Variants in ZCWPW1 observed in about 807,000 individuals in gnomAD.
The protein encoded by ZCWPW1 is zinc finger CW-type and PWWP domain containing 1, also known as zinc finger CW-type PWWP domain protein 1.
ZCWPW1 carries 56 observed loss-of-function variants against 81.3 expected under a neutral mutation model. That is an observed-to-expected ratio of 0.69 (90% CI 0.56 to 0.86). ZCWPW1 has a LOEUF of 0.86. Ranked by LOEUF, ZCWPW1 falls within the 40% of genes least tolerant of loss-of-function variation. The pLI, the probability that ZCWPW1 is intolerant of heterozygous loss-of-function variation, is 0.00. For missense variants in ZCWPW1, 650 were observed against 769.8 expected, an observed-to-expected ratio of 0.84 and a Z score of 1.84; for synonymous variants, 250 against 273.7, an observed-to-expected ratio of 0.91 and a Z score of 0.86.
intron 5 of ZCWPW1, 72 bp downstream of exon 5, chr7:100,419,039 A>C: frequency 8.3e-7 from 1 of 1,208,388 alleles, no homozygotes. Context: ...AGAAGCTGTC[A>C]GACTTAACTC....
chr7:100,427,644 A>G (rs1361872650), intron 1 of ZCWPW1, among the ~76,000 whole-genome samples: 2 of 150,590 alleles, frequency 1.3e-5, no homozygotes, highest in African/African-American at 2.4e-5. Flanking sequence ...GGTTGCAGTG[A>G]GCCGAGACTG....
chr7:100,402,150 CA>C, intron 16 of ZCWPW1, 109 bp from the exon 17 acceptor site: 1 of 1,401,212 alleles, frequency 7.1e-7, no homozygotes, highest in East Asian at 2.3e-5. Flanking sequence ...TGCTCAGTTG[CA>C]ATCTAGTGAG....
intron 15 of ZCWPW1, 49 bp from the exon 16 acceptor site, chr7:100,402,625 A>T: frequency 6.4e-7 from 1 of 1,573,304 alleles, no homozygotes; most frequent in African/African-American, 1.3e-5. Flanking sequence ...AAGGCCCCTA[A>T]CTGTTTTTAA....
intron 9 of ZCWPW1, 135 bp downstream of exon 9, chr7:100,409,293 C>T: frequency 1.5e-6 from 1 of 683,082 alleles, no homozygotes; most frequent in Non-Finnish European, 2.4e-6. Flanking sequence ...GAGGCAGATC[C>T]TTCCTCTCTC....
intron 10 of ZCWPW1, among the ~76,000 whole-genome samples, chr7:100,407,637 C>A (rs1793318297): frequency 6.6e-6 from 1 of 152,166 alleles, no homozygotes; most frequent in Admixed American, 6.5e-5. Flanking sequence ...AAGCAATCCT[C>A]CTACCTCAAC....
Position 100,416,423 on chromosome 7 carries a change from C to A in ZCWPW1, c.513G>T (p.Val171=). Residue 171 remains valine, a synonymous_variant, in exon 7 of 18, where the codon GTG becomes GTT. Transcript: ENST00000684423. ...EEVPHTQEIS[V]SWEGEAAPEI... is the part of the protein sequence containing the mutation. ...CAGGGGCAGCTTCACCTTCCCAAGA[C>A]ACTGAAATCTCTTGAGTATGTGGTA... is the stretch of plus-strand genomic sequence containing the variant. The A allele has an allele frequency of 6.2e-7, 1 of 1,614,178 alleles. No homozygotes were observed.
chr7:100,406,609 T>C (rs1793060687), intron 12 of ZCWPW1, 85 bp downstream of exon 12: 3 of 1,282,570 alleles, frequency 2.3e-6, no homozygotes, highest in East Asian at 2.3e-5. Context: ...TCTCCCGACA[T>C]GGCTTACCCT....
Position 100,427,380 on chromosome 7 carries a change from C to CGT in ZCWPW1, c.-137+1187_-137+1188insAC, listed in dbSNP as rs1797820013. ...GAGTTCGGGACCAGCCTGGCCAATA[C>CGT]GGTGAAACCCCGTCTCTACTAAAAA... On this transcript the variant is annotated intron_variant, in intron 1 of 17. Coordinates refer to ENST00000684423, the MANE Select transcript of ZCWPW1 (RefSeq NM_001386010.1). Among the ~76,000 whole-genome samples the CGT allele has an allele frequency of 3.3e-5, 5 of 149,618 alleles. No homozygotes were observed. In the Admixed American group the frequency reaches 3.4e-4, roughly 10 times the overall value.
chr7:100,416,449 C>A lies in ZCWPW1; in HGVS notation c.487G>T (p.Val163Leu), dbSNP rs6957339. The stretch of plus-strand genomic sequence containing the variant: ...ACTGAAATCTCTTGAGTATGTGGTA[C>A]CTCCTCTCTGAAAATGAGGTTTTAT... ...TDTDNANGEE[V>L]PHTQEISVSW... The change falls in exon 7 of 18, where the codon GTA becomes TTA. Residue 163 changes from valine (V) to leucine (L), a missense_variant. By Grantham distance (32) the Val-to-Leu change is conservative. Transcript: ENST00000684423. 1,045 of 1,613,182 alleles carry A rather than the reference C, an allele frequency of 6.5e-4. 1 individual carries two copies. The highest frequency in any genetic ancestry group is 6.2e-3 in the African/African-American group (466 of 74,966).
chr7:100,408,000 G>T (rs770775818), intron 10 of ZCWPW1, among the ~76,000 whole-genome samples: 4 of 152,024 alleles, frequency 2.6e-5, no homozygotes, highest in Non-Finnish European at 5.9e-5. Context: ...GCCCAGACTG[G>T]AGTGCAGTGG....
At chr7:100,417,945 C>T (rs950387173) in intron 5 of ZCWPW1, among the ~76,000 whole-genome samples, 1 of 151,528 alleles carries the variant, frequency 6.6e-6, no homozygotes, top group Non-Finnish European at 1.5e-5. Flanking sequence ...AGTGAGGTGG[C>T]GAAATCTCGG....
chr7:100,405,862 C>T (rs1584246595), intron 12 of ZCWPW1, among the ~76,000 whole-genome samples: 2 of 152,090 alleles, frequency 1.3e-5, no homozygotes, highest in Admixed American at 6.6e-5. Context: ...TGAGCTCAGG[C>T]GATCTGCCCA....
rs768323192 is a variant in ZCWPW1 at position 100,419,755 on chromosome 7, T to G, written c.157A>C (p.Ile53Leu). Reference sequence around the variant, plus strand: ...TTTAAACTGGCCTTTGGCAGGCTTATCCTGGCCTCTGTCTCTGGGGAACTG... The same window carrying G: ...TTTAAACTGGCCTTTGGCAGGCTTAGCCTGGCCTCTGTCTCTGGGGAACTG... ...GISSPETEARISLPKASLKKK... is the reference protein window; with the variant it reads ...GISSPETEARLSLPKASLKKK... The change falls in exon 4 of 18, where the codon ATA becomes CTA. Residue 53 changes from isoleucine (I) to leucine (L), a missense_variant. Ile to Leu is a conservative substitution (Grantham distance 5, BLOSUM62 2). Coordinates refer to ENST00000684423, the MANE Select transcript of ZCWPW1 (RefSeq NM_001386010.1). 1.7e-5 allele frequency: 28 copies of G among 1,614,076 alleles called. No individual in the cohort carries two copies. The South Asian group carries it at 2.7e-4, about 16-fold the overall frequency.
rs1029119324 is a variant in ZCWPW1, at chr7:100,400,948, C to A, written c.*66G>T. The A allele has an allele frequency of 1.2e-4, 180 of 1,485,218 alleles. No individual in the cohort carries two copies. Among genetic ancestry groups the A allele is most frequent in the Admixed American group, 1.7e-4 (8 of 46,446 alleles). 92.0% of individuals were successfully genotyped at this position (1,485,218 alleles called of 1,614,324 possible). On this transcript the variant is annotated 3_prime_UTR_variant, in exon 18 of 18. Transcript: ENST00000684423. Reference sequence around the variant, plus strand: ...CCTCATAGCCAATGAACAGACCCAGCACTTAGCAACTTCTCCCTCCTGCGC... The same window carrying A: ...CCTCATAGCCAATGAACAGACCCAGAACTTAGCAACTTCTCCCTCCTGCGC...
At position 100,415,959 on chromosome 7, in the gene ZCWPW1, A is replaced by G. The variant is rs1795138660; in HGVS notation, c.754+16T>C. 6.2e-7 allele frequency: 1 copy of G among 1,613,712 alleles called. No homozygotes were observed. The highest frequency in any genetic ancestry group is 8.5e-7 in the Non-Finnish European group (1 of 1,179,916). ...ATTTTCAGGCCAAGTAGGTTTGCCA[A>G]ACCAGCTAAACTCACCAAAACCACT... On this transcript the variant is annotated intron_variant, in intron 8 of 17. Transcript: ENST00000684423.
Position 100,419,831 on chromosome 7 carries a change from G to T in ZCWPW1, c.81C>A (p.Tyr27Ter). 2 of 1,598,324 alleles carry T rather than the reference G, an allele frequency of 1.3e-6. No individual in the cohort carries two copies. The highest frequency in any genetic ancestry group is 1.7e-6 in the Non-Finnish European group (2 of 1,174,734). The change falls in exon 4 of 18, where the codon TAC becomes TAA. Residue 27 changes from tyrosine to a stop codon, truncating the protein, a stop_gained. Coordinates refer to ENST00000684423, the MANE Select transcript of ZCWPW1 (RefSeq NM_001386010.1). LOFTEE classifies it high-confidence loss of function. ...RIFAPPAQKS[Y>*]SLLPCSPNSP... Reference sequence around the variant, plus strand: ...AGTTAGGGCTACAAGGTAACAGGCTGTAAGATTTTTGTGCAGGTGGGGCAA... The same window carrying T: ...AGTTAGGGCTACAAGGTAACAGGCTTTAAGATTTTTGTGCAGGTGGGGCAA...
At chr7:100,405,492 C>T (rs1380732125) in intron 12 of ZCWPW1, among the ~76,000 whole-genome samples, 4 of 152,188 alleles carry the variant, frequency 2.6e-5, no homozygotes, top group African/African-American at 9.7e-5. Context: ...CCCCAGCATA[C>T]TGCTACCCAT....
chr7:100,418,131 C>T (rs76931894), intron 5 of ZCWPW1, among the ~76,000 whole-genome samples: 3 of 152,106 alleles, frequency 2.0e-5, no homozygotes, highest in South Asian at 4.1e-4. Flanking sequence ...GTGATCCACC[C>T]GCCTTGGCCT....
intron 16 of ZCWPW1, 87 bp downstream of exon 16, chr7:100,402,429 G>A: frequency 7.0e-7 from 1 of 1,423,802 alleles, no homozygotes; most frequent in South Asian, 1.1e-5. Flanking sequence ...GAGATGGGCA[G>A]TGAGGTCCAG....
Sources: gnomAD v4.1 joint callset for allele counts (sites outside exome capture counted in the v4.1 genomes callset) on GRCh38, gnomAD v4.1.1 for gene constraint, MANE v1.5 for transcripts, NCBI Gene and HGNC (gene_info 2026-07-23, HGNC 2026-07-21) for gene names.